The following SLC35F3 variants were observed in gnomAD, a reference collection of about 807,000 sequenced individuals.
SLC35F3 encodes solute carrier family 35 member F3, also known as putative thiamine transporter SLC35F3.
SLC35F3 carries 25 observed loss-of-function variants against 49.9 expected under a neutral mutation model. That is an observed-to-expected ratio of 0.50 (90% CI 0.37 to 0.70). SLC35F3 has a LOEUF of 0.70. Among genes scored for constraint, SLC35F3 ranks in the 30% least tolerant of loss-of-function variants. The pLI, the probability that SLC35F3 is intolerant of heterozygous loss-of-function variation, is 0.00. For synonymous variants in SLC35F3, 275 were observed against 265.4 expected (o/e 1.04, Z -0.35); for missense variants, 525 against 639.8 (o/e 0.82, Z 1.94).
intron 2 of SLC35F3, among the ~76,000 whole-genome samples, chr1:234,221,779 A>G (rs1252102271): frequency 6.6e-6 from 1 of 152,204 alleles, no homozygotes; most frequent in African/African-American, 2.4e-5. Flanking sequence ...CCATTAGCTA[A>G]TTAATATATT....
chr1:234,115,542 T>A (rs1256464825), intron 2 of SLC35F3, among the ~76,000 whole-genome samples: 5 of 152,154 alleles, frequency 3.3e-5, no homozygotes, highest in African/African-American at 1.2e-4. Context: ...AGGAATAAAG[T>A]AAACCTAAGA....
At chr1:234,306,217 A>G (rs963705303) in intron 3 of SLC35F3, among the ~76,000 whole-genome samples, 1 of 152,064 alleles carries the variant, frequency 6.6e-6, no homozygotes, top group Non-Finnish European at 1.5e-5. Context: ...CTGGAGTGCA[A>G]TGGTGCAATC....
rs1244383917 is a variant in SLC35F3 at position 234,273,744 on chromosome 1, G to A, written c.609-35357G>A. Among the ~76,000 whole-genome samples, 5 of 152,160 alleles carry A rather than the reference G, an allele frequency of 3.3e-5. No homozygotes were observed. The East Asian group carries it at 9.6e-4, about 29-fold the overall frequency. On this transcript the variant is annotated intron_variant, in intron 3 of 7. Coordinates refer to ENST00000366618, the MANE Select transcript of SLC35F3 (RefSeq NM_173508.4). ...AAGGAATCGGGGGCATCTGAATGGA[G>A]AAATGGGGACTTGATGGAGGATTCA... is the stretch of plus-strand genomic sequence containing the variant.
At chr1:234,288,411 G>A (rs1051136999) in intron 3 of SLC35F3, among the ~76,000 whole-genome samples, 12 of 152,152 alleles carry the variant, frequency 7.9e-5, no homozygotes, top group African/African-American at 2.9e-4. Context: ...AACTCTTATG[G>A]TTTAGAGACT....
At chr1:233,949,906 G>T (rs758774119) in intron 2 of SLC35F3, among the ~76,000 whole-genome samples, 1 of 152,160 alleles carries the variant, frequency 6.6e-6, no homozygotes, top group Non-Finnish European at 1.5e-5. Context: ...CCTGGGCAGA[G>T]ATGCCCTGGG....
intron 2 of SLC35F3, among the ~76,000 whole-genome samples, chr1:234,059,902 T>C (rs1294697449): frequency 6.6e-6 from 1 of 152,196 alleles, no homozygotes; most frequent in Non-Finnish European, 1.5e-5. Context: ...CTGCTTTATG[T>C]TTGCTGATTA....
intron 2 of SLC35F3, among the ~76,000 whole-genome samples, chr1:234,103,365 C>G (rs1157062287): frequency 6.6e-6 from 1 of 152,170 alleles, no homozygotes; most frequent in Non-Finnish European, 1.5e-5. Context: ...GCCTTCAAGG[C>G]CACCCTCAGA....
chr1:233,998,382 G>C (rs1049749455), intron 2 of SLC35F3, among the ~76,000 whole-genome samples: 1 of 151,224 alleles, frequency 6.6e-6, no homozygotes, highest in Non-Finnish European at 1.5e-5. Flanking sequence ...AAACTCTTTC[G>C]GGGCAAAAAT....
At chr1:233,981,253 CAG>C (rs1334729297) in intron 2 of SLC35F3, among the ~76,000 whole-genome samples, 11 of 152,136 alleles carry the variant, frequency 7.2e-5, no homozygotes, top group Non-Finnish European at 1.3e-4. Flanking sequence ...AATCAAGACA[CAG>C]AACGGATCCT....
At chr1:234,185,869 G>T (rs1666636082) in intron 2 of SLC35F3, among the ~76,000 whole-genome samples, 1 of 152,182 alleles carries the variant, frequency 6.6e-6, no homozygotes, top group Non-Finnish European at 1.5e-5. Flanking sequence ...AGAAGAGATT[G>T]TCCCCTTTTG....
chr1:234,219,591 A>G (rs1488093457), intron 2 of SLC35F3, among the ~76,000 whole-genome samples: 1 of 152,210 alleles, frequency 6.6e-6, no homozygotes, highest in East Asian at 1.9e-4. Flanking sequence ...ATTCTATGGA[A>G]GAAGTATAAA....
intron 3 of SLC35F3, among the ~76,000 whole-genome samples, chr1:234,282,364 G>A (rs1241693642): frequency 6.6e-6 from 1 of 152,142 alleles, no homozygotes; most frequent in Non-Finnish European, 1.5e-5. Flanking sequence ...ATACAGATGG[G>A]GCTGGACCCT....
intron 2 of SLC35F3, among the ~76,000 whole-genome samples, chr1:233,972,991 G>A (rs1042845922): frequency 2.0e-5 from 3 of 152,186 alleles, no homozygotes; most frequent in African/African-American, 7.2e-5. Flanking sequence ...ACTAAAAGAG[G>A]AGCCCCAGGC....
chr1:234,200,399 A>G (rs1013296439), intron 2 of SLC35F3, among the ~76,000 whole-genome samples: 7 of 152,126 alleles, frequency 4.6e-5, no homozygotes, highest in Admixed American at 1.3e-4. Context: ...TAATTTGCAA[A>G]TATTTTCTCC....
rs1454940572 is a variant in SLC35F3 at position 234,267,856 on chromosome 1, A to G, written c.608+36115A>G. Among the ~76,000 whole-genome samples the G allele has an allele frequency of 5.9e-5, 8 of 135,052 alleles. 1 individual carries two copies. Among genetic ancestry groups the G allele is most frequent in the Non-Finnish European group, 9.4e-5 (6 of 63,872 alleles). 88.6% of individuals were successfully genotyped at this position (135,052 alleles called of 152,430 possible). ...CAGAGGCGCTCCTCACATCCCAGACAGGGCGGCGGGGCAGAGGTGCTCCCC... is the reference window on the plus strand; with the variant it reads ...CAGAGGCGCTCCTCACATCCCAGACGGGGCGGCGGGGCAGAGGTGCTCCCC... On this transcript the variant is annotated intron_variant, in intron 3 of 7. Transcript: ENST00000366618.
At chr1:234,199,202 T>C (rs1012485681) in intron 2 of SLC35F3, among the ~76,000 whole-genome samples, 3 of 151,834 alleles carry the variant, frequency 2.0e-5, no homozygotes, top group Non-Finnish European at 4.4e-5. Flanking sequence ...CACTCCAGCC[T>C]GGGCAACAGA....
intron 3 of SLC35F3, among the ~76,000 whole-genome samples, chr1:234,253,920 G>A (rs1229537716): frequency 6.6e-6 from 1 of 152,204 alleles, no homozygotes; most frequent in Admixed American, 6.5e-5. Context: ...CAGGATGCTA[G>A]CTGGTGACAG....
intron 2 of SLC35F3, among the ~76,000 whole-genome samples, chr1:234,152,967 T>A (rs762373600): frequency 2.0e-5 from 3 of 152,244 alleles, no homozygotes; most frequent in Non-Finnish European, 4.4e-5. Flanking sequence ...TTTGCATTTC[T>A]CTAATGACCA....
chr1:234,088,843 C>G (rs1189406438), intron 2 of SLC35F3, among the ~76,000 whole-genome samples: 2 of 152,148 alleles, frequency 1.3e-5, no homozygotes, highest in African/African-American at 4.8e-5. Flanking sequence ...CTTACTGCAA[C>G]CTCCACCTCC....
Sources: allele counts gnomAD v4.1 joint callset (sites outside exome capture counted in the v4.1 genomes callset), GRCh38; gene constraint gnomAD v4.1.1; transcripts MANE v1.5; gene names NCBI Gene and HGNC (gene_info 2026-07-23, HGNC 2026-07-21).